The following MYH10 variants were observed in gnomAD, a reference collection of about 807,000 sequenced individuals.
The protein encoded by MYH10 is myosin heavy chain 10.
In MYH10, 55 loss-of-function variants were observed where a neutral mutation model predicts 257.8. The observed-to-expected ratio is 0.21, with a 90% CI of 0.17 to 0.27. The LOEUF (loss-of-function observed/expected upper bound fraction) is 0.27, where lower values mean the gene tolerates loss of function less well. MYH10 is among the 10% of genes least tolerant of loss of function. The probability of loss-of-function intolerance (pLI) is 1.00; values close to 1 mark genes in which losing one functional copy is unlikely to be tolerated. For missense variants in MYH10, 1,631 were observed against 2,500.6 expected (o/e 0.65, Z 7.42); for synonymous variants, 854 against 921.7 (o/e 0.93, Z 1.33).
chr17:8,476,530 T>C (rs1567758120), intron 42 of MYH10, among the ~76,000 whole-genome samples: 1 of 152,280 alleles, frequency 6.6e-6, no homozygotes, highest in East Asian at 1.9e-4. Context: ...TGAGGAGGGC[T>C]GATGGCACCA....
chr17:8,526,606 A>G (rs2081853654), intron 17 of MYH10, among the ~76,000 whole-genome samples: 1 of 141,346 alleles, frequency 7.1e-6, no homozygotes, highest in Non-Finnish European at 1.5e-5. Flanking sequence ...CCAGACTGAA[A>G]TCTGTGAGGA....
chr17:8,476,691 C>T (rs2068420507), intron 42 of MYH10, among the ~76,000 whole-genome samples, 185 bp downstream of exon 42: 1 of 152,112 alleles, frequency 6.6e-6, no homozygotes, highest in African/African-American at 2.4e-5. Context: ...TGAATAGGGC[C>T]GCCTCCTCTT....
At chr17:8,521,710 A>AT (rs2081661413) in intron 17 of MYH10, among the ~76,000 whole-genome samples, 1 of 152,224 alleles carries the variant, frequency 6.6e-6, no homozygotes, top group Admixed American at 6.5e-5. Flanking sequence ...GATTGTACAA[A>AT]TCCACTTAAC....
At position 8,621,546 on chromosome 17, in the gene MYH10, C is replaced by T. The variant is rs115431092; in HGVS notation, c.345+1356G>A. 7.0e-3 allele frequency among the ~76,000 whole-genome samples: 1,067 copies of T among 152,292 alleles called. 8 individuals carry two copies. Among genetic ancestry groups the T allele is most frequent in the African/African-American group, 0.024 (1,005 of 41,540 alleles). ...GTCACCCTACACGTGGTTATTCAAT[C>T]TCAGCTGGACTCTCAACGCCACTCT... On this transcript the variant is annotated intron_variant, in intron 2 of 42. Transcript: ENST00000360416.
intron 28 of MYH10, among the ~76,000 whole-genome samples, chr17:8,501,961 A>G (rs1051135886): frequency 2.7e-4 from 41 of 152,196 alleles, no homozygotes; most frequent in African/African-American, 9.9e-4. Context: ...TGTTAATCTG[A>G]GCACCGTGTT....
At chr17:8,519,246 TC>T (rs1395956766) in intron 19 of MYH10, among the ~76,000 whole-genome samples, 2 of 152,210 alleles carry the variant, frequency 1.3e-5, no homozygotes, top group African/African-American at 2.4e-5. Flanking sequence ...TTTCTTCATG[TC>T]CCATAAAATG....
rs796988423 is a variant in MYH10 at position 8,551,963 on chromosome 17, T to C, written c.919+83A>G. ...TTGGTGTTTTGTGTGTAAAAAACTG[T>C]TTCCCAAAATTGTTTTTTCTCAAAA... On this transcript the variant is annotated intron_variant, in intron 9 of 42. Coordinates refer to ENST00000360416, the MANE Select transcript of MYH10 (RefSeq NM_001256012.3). The C allele has an allele frequency of 7.3e-5, 52 of 713,508 alleles. 2 individuals are homozygous for C. In the South Asian group the frequency reaches 1.8e-3, roughly 25 times the overall value. The allele number at this position is 713,508 out of a possible 1,614,324, so 44.2% of individuals were successfully genotyped here.
chr17:8,492,638 T>C, intron 33 of MYH10, 129 bp from the exon 34 acceptor site: 7 of 1,210,600 alleles, frequency 5.8e-6, no homozygotes, highest in Non-Finnish European at 7.8e-6. Flanking sequence ...TTCCTTTTTT[T>C]TTTTTTTTTT....
At chr17:8,594,828 A>C (rs1008677717) in intron 3 of MYH10, among the ~76,000 whole-genome samples, 1 of 152,240 alleles carries the variant, frequency 6.6e-6, no homozygotes, top group African/African-American at 2.4e-5. Context: ...AATGCTATGT[A>C]AATAGTTGCT....
At chr17:8,479,357 G>A (rs1309495314) in intron 40 of MYH10, among the ~76,000 whole-genome samples, 1 of 152,192 alleles carries the variant, frequency 6.6e-6, no homozygotes, top group African/African-American at 2.4e-5. Context: ...AGGACTCCAT[G>A]GAAGACAGAA....
At chr17:8,508,738 A>G in intron 25 of MYH10, 61 bp from the exon 26 acceptor site, 1 of 1,598,298 alleles carries the variant, frequency 6.3e-7, no homozygotes, top group South Asian at 1.1e-5. Context: ...TGGGTTCTGT[A>G]TTCCTCATAA....
Position 8,477,073 on chromosome 17 carries a change from A to C in MYH10, c.5707-25T>G, listed in dbSNP as rs765484493. ...TCTTGGGGAGGGTACATGAACCAAA[A>C]CAAACCAAACTGGTGAATCCAGTGT... On this transcript the variant is annotated intron_variant, in intron 41 of 42. Coordinates refer to ENST00000360416, the MANE Select transcript of MYH10 (RefSeq NM_001256012.3). This position sits in a 1 kb window ranked among gnomAD's most constrained non-coding sequence, Gnocchi z 4.2. 6.9e-5 allele frequency: 112 copies of C among 1,612,544 alleles called. No individual in the cohort carries two copies. The highest frequency in any genetic ancestry group is 1.6e-4 in the South Asian group (15 of 91,058).
chr17:8,618,298 G>A (rs140753717), intron 2 of MYH10, among the ~76,000 whole-genome samples: 1 of 151,194 alleles, frequency 6.6e-6, no homozygotes, highest in Admixed American at 6.6e-5. Flanking sequence ...GCCCAGGCTG[G>A]AGGGCAATGG....
Position 8,545,670 on chromosome 17 carries a change from G to T in MYH10, c.1279-70C>A. The T allele has an allele frequency of 1.3e-6, 2 of 1,518,496 alleles. No individual in the cohort carries two copies. The highest frequency in any genetic ancestry group is 2.0e-5 in the Admixed American group (1 of 50,042). The allele number at this position is 1,518,496 out of a possible 1,614,324, so 94.1% of individuals were successfully genotyped here. On this transcript the variant is annotated intron_variant, in intron 12 of 42. Coordinates refer to ENST00000360416, the MANE Select transcript of MYH10 (RefSeq NM_001256012.3). The surrounding 1 kb of genome is among the most constrained non-coding windows in gnomAD (Gnocchi z 4.7). ...ACAAAGCATAAATAGCTGTTTTACGGAATTTAATGTTATACAGCACTCAAA... is the reference window on the plus strand; with the variant it reads ...ACAAAGCATAAATAGCTGTTTTACGTAATTTAATGTTATACAGCACTCAAA...
rs55865122 is a variant in MYH10, at chr17:8,502,480, T to TTGTGTGTGTGTGTGTG, written c.3600-1526_3600-1511dup. ...AGCACGTTGTCTTTTGGGAAAATAG[T>TTGTGTGTGTGTGTGTG]TGTGTGTGTGTGTGTGTGTGTGTGT... On this transcript the variant is annotated intron_variant, in intron 28 of 42. Transcript: ENST00000360416. Among the ~76,000 whole-genome samples the TTGTGTGTGTGTGTGTG allele has an allele frequency of 9.1e-3, 1,360 of 150,248 alleles. 17 individuals carry two copies. The highest frequency in any genetic ancestry group is 0.013 in the Non-Finnish European group (905 of 67,448).
chr17:8,478,368 C>T lies in MYH10; in HGVS notation c.5676G>A (p.Glu1892=), dbSNP rs755958494. The T allele has an allele frequency of 3.1e-6, 5 of 1,614,042 alleles. No homozygotes were observed. The highest frequency in any genetic ancestry group is 1.3e-5 in the African/African-American group (1 of 74,932). Residue 1892 remains glutamate, a synonymous_variant, in exon 41 of 43, where the codon GAG becomes GAA. Transcript: ENST00000360416. The stretch of plus-strand genomic sequence containing the variant: ...CTTTATACTGGTCCGCGTGTCGACG[C>T]TCATCCTCAACCTGCATGAAGATTT... ...LKEIFMQVED[E]RRHADQYKEQ... is the part of the protein sequence containing the mutation.
chr17:8,559,720 C>T (rs1157300283), intron 7 of MYH10, among the ~76,000 whole-genome samples: 1 of 151,840 alleles, frequency 6.6e-6, no homozygotes, highest in Non-Finnish European at 1.5e-5. Flanking sequence ...TTTTGGAAGA[C>T]CCCTAAGAAA....
chr17:8,480,284 C>A lies in MYH10; in HGVS notation c.5423G>T (p.Arg1808Leu). Reference sequence around the variant, plus strand: ...ATTGTCACTCTTCTGGGCGGCGCTGCGCTCGGCTGCTAGCTCGGCGTTCAG... The same window carrying A: ...ATTGTCACTCTTCTGGGCGGCGCTGAGCTCGGCTGCTAGCTCGGCGTTCAG... ...DTLNAELAAERSAAQKSDNAR... is the reference protein window; with the variant it reads ...DTLNAELAAELSAAQKSDNAR... The change falls in exon 40 of 43, where the codon CGC (arginine) becomes CTC (leucine). Residue 1808 changes from arginine to leucine, a missense_variant. Arg to Leu is a moderately radical substitution (Grantham distance 102). Coordinates refer to ENST00000360416, the MANE Select transcript of MYH10 (RefSeq NM_001256012.3). 3 of 1,614,110 alleles carry A rather than the reference C, an allele frequency of 1.9e-6. No individual in the cohort carries two copies. Among genetic ancestry groups the A allele is most frequent in the Non-Finnish European group, 2.5e-6 (3 of 1,180,048 alleles).
chr17:8,505,000 A>C lies in MYH10; in HGVS notation c.3387-94T>G. On this transcript the variant is annotated intron_variant, in intron 27 of 42. Coordinates refer to ENST00000360416, the MANE Select transcript of MYH10 (RefSeq NM_001256012.3). This position sits in a 1 kb window ranked among gnomAD's most constrained non-coding sequence, Gnocchi z 5.6. Reference sequence around the variant, plus strand: ...CCCAGCCCCTGAGCACCTCTCCACGAGACCCCAGCCCCACATCCCTCCTCC... The same window carrying C: ...CCCAGCCCCTGAGCACCTCTCCACGCGACCCCAGCCCCACATCCCTCCTCC... 1 of 1,019,866 alleles carries C rather than the reference A, an allele frequency of 9.8e-7. No individual in the cohort carries two copies. The highest frequency in any genetic ancestry group is 1.8e-5 in the Admixed American group (1 of 55,306). The allele number at this position is 1,019,866 out of a possible 1,614,324, so 63.2% of individuals were successfully genotyped here.
Sources: gnomAD v4.1 joint callset for allele counts (sites outside exome capture counted in the v4.1 genomes callset) on GRCh38, gnomAD v4.1.1 for gene constraint, Gnocchi (gnomAD v3.1) non-coding constraint, MANE v1.5 for transcripts, NCBI Gene and HGNC (gene_info 2026-07-23, HGNC 2026-07-21) for gene names.